Variants in PHF24 observed in about 807,000 individuals in gnomAD.
PHF24 encodes the protein Galpha inhibitory interacting protein.
Under a neutral mutation model 42.6 loss-of-function variants are expected in PHF24, and 25 were observed. The observed-to-expected ratio is 0.59, with a 90% CI of 0.43 to 0.82. The LOEUF (loss-of-function observed/expected upper bound fraction) is 0.82. Ranked by LOEUF, PHF24 falls within the 40% of genes least tolerant of loss-of-function variation. The pLI is 0.00. For synonymous variants in PHF24, 185 were observed against 204.8 expected (o/e 0.90, Z 0.83); for missense variants, 470 against 538.1 (o/e 0.87, Z 1.25).
the PHF24 span, among the ~76,000 whole-genome samples, chr9:34,951,458 G>T: frequency 6.6e-6 from 1 of 152,188 alleles, no homozygotes; most frequent in Admixed American, 6.5e-5. Flanking sequence ...AGAACAAGAT[G>T]TAACAATAGA....
chr9:34,702,633 G>T, the PHF24 span, among the ~76,000 whole-genome samples: 3 of 152,096 alleles, frequency 2.0e-5, no homozygotes, highest in African/African-American at 7.2e-5. Context: ...TCCCCTTAAA[G>T]TAGGCACTAC....
At chr9:34,815,049 T>C in the PHF24 span, among the ~76,000 whole-genome samples, 1 of 152,214 alleles carries the variant, frequency 6.6e-6, no homozygotes, top group Non-Finnish European at 1.5e-5. Flanking sequence ...TGACAATCAC[T>C]ACCATTTGTT....
the PHF24 span, among the ~76,000 whole-genome samples, chr9:34,908,414 A>G: frequency 6.6e-6 from 1 of 152,214 alleles, no homozygotes; most frequent in Non-Finnish European, 1.5e-5. Context: ...CTTTCATTCT[A>G]GTGGAAGGAG....
the PHF24 span, among the ~76,000 whole-genome samples, chr9:34,790,045 A>T: frequency 1.3e-5 from 2 of 152,120 alleles, no homozygotes; most frequent in Non-Finnish European, 2.9e-5. Context: ...TCAGGGTCTC[A>T]CTATATTGCC....
At chr9:34,840,673 C>G in the PHF24 span, among the ~76,000 whole-genome samples, 1 of 151,880 alleles carries the variant, frequency 6.6e-6, no homozygotes, top group Non-Finnish European at 1.5e-5. Flanking sequence ...CCTGAGCCCC[C>G]CCAGATGCTA....
the PHF24 span, among the ~76,000 whole-genome samples, chr9:34,684,296 T>C: frequency 6.6e-6 from 1 of 152,100 alleles, no homozygotes; most frequent in Non-Finnish European, 1.5e-5. Flanking sequence ...ACTTTAGACG[T>C]GAGGGGTTTT....
At chr9:34,680,714 AAAAAT>A in the PHF24 span, among the ~76,000 whole-genome samples, 3 of 105,034 alleles carry the variant, frequency 2.9e-5, no homozygotes, top group African/African-American at 7.5e-5. Flanking sequence ...AAATAAAAAA[AAAAAT>A]AAAATAAAAT....
the PHF24 span, among the ~76,000 whole-genome samples, chr9:34,831,257 C>T: frequency 1.3e-5 from 2 of 152,168 alleles, no homozygotes; most frequent in Non-Finnish European, 2.9e-5. Flanking sequence ...GAGTCATCCC[C>T]TGAGGAAAAG....
the PHF24 span, chr9:34,832,299 G>A: frequency 1.7e-6 from 1 of 602,944 alleles, no homozygotes; most frequent in Non-Finnish European, 3.0e-6. Flanking sequence ...TAGGAGCTAG[G>A]GTGGGTGCCC....
the PHF24 span, among the ~76,000 whole-genome samples, chr9:34,713,801 C>A: frequency 6.6e-6 from 1 of 152,138 alleles, no homozygotes; most frequent in African/African-American, 2.4e-5. Flanking sequence ...GCTGGAGAAT[C>A]CATCTGGTTT....
chr9:34,760,655 C>CAT, the PHF24 span, among the ~76,000 whole-genome samples: 1 of 152,188 alleles, frequency 6.6e-6, no homozygotes, highest in Non-Finnish European at 1.5e-5. Flanking sequence ...GAGGGCAGCA[C>CAT]GCCCCCACCC....
At chr9:34,847,858 T>C in the PHF24 span, among the ~76,000 whole-genome samples, 1 of 152,228 alleles carries the variant, frequency 6.6e-6, no homozygotes, top group Non-Finnish European at 1.5e-5. Flanking sequence ...ATTGAGATAA[T>C]CATGTGGTTT....
At chr9:34,899,700 A>G in the PHF24 span, among the ~76,000 whole-genome samples, 21 of 152,302 alleles carry the variant, frequency 1.4e-4, 1 homozygote, top group South Asian at 2.5e-3. Flanking sequence ...TTACTACCCA[A>G]TGCAGGATTG....
chr9:34,832,575 G>A, the PHF24 span: 7 of 1,543,130 alleles, frequency 4.5e-6, no homozygotes, highest in East Asian at 4.9e-5. Flanking sequence ...TCTGGTTTTG[G>A]CCACCTTCAC....
chr9:34,667,233 G>A, the PHF24 span, among the ~76,000 whole-genome samples: 9 of 152,154 alleles, frequency 5.9e-5, no homozygotes, highest in African/African-American at 1.9e-4. Flanking sequence ...CTGTATAGGA[G>A]GGAGTGACCA....
At chr9:34,733,792 T>C in the PHF24 span, among the ~76,000 whole-genome samples, 1 of 152,202 alleles carries the variant, frequency 6.6e-6, no homozygotes, top group Non-Finnish European at 1.5e-5. Context: ...CATGTACTAC[T>C]GTGCCCGGCC....
the PHF24 span, among the ~76,000 whole-genome samples, chr9:34,886,980 G>A: frequency 2.6e-5 from 4 of 152,038 alleles, no homozygotes; most frequent in South Asian, 4.1e-4. Flanking sequence ...CAATACAAAT[G>A]TGAACTCCTG....
At chr9:34,937,137 G>A in the PHF24 span, among the ~76,000 whole-genome samples, 4,495 of 150,324 alleles carry the variant, frequency 0.03, 137 homozygotes, top group Non-Finnish European at 0.042. Flanking sequence ...CCACCACCCC[G>A]TCTGGGAGGC....
chr9:34,718,075 C>T, the PHF24 span, among the ~76,000 whole-genome samples: 6 of 152,134 alleles, frequency 3.9e-5, no homozygotes, highest in South Asian at 2.1e-4. Flanking sequence ...TACTATTTAC[C>T]GCAAGGAGGG....
Sources: gnomAD v4.1 joint callset for allele counts (sites outside exome capture counted in the v4.1 genomes callset) on GRCh38, gnomAD v4.1.1 for gene constraint, MANE v1.5 for transcripts, NCBI Gene and HGNC (gene_info 2026-07-23, HGNC 2026-07-21) for gene names.